The following COG5 variants were observed in gnomAD, a reference collection of about 807,000 sequenced individuals.
COG5 encodes the protein conserved oligomeric Golgi complex subunit 5.
COG5 carries 86 observed loss-of-function variants against 110.4 expected under a neutral mutation model. That is an observed-to-expected ratio of 0.78 (90% CI 0.65 to 0.93). The LOEUF (loss-of-function observed/expected upper bound fraction) is 0.93, where lower values mean the gene tolerates loss of function less well. Among genes scored for constraint, COG5 ranks in the 40% least tolerant of loss-of-function variants. The pLI is 0.00. For missense variants in COG5, 1,077 were observed against 987.0 expected (o/e 1.09, Z -1.22); for synonymous variants, 360 against 334.6 (o/e 1.08, Z -0.83).
Position 107,324,532 on chromosome 7 carries a change from C to G in COG5, c.1027-11G>C. The G allele has an allele frequency of 1.3e-6, 2 of 1,564,298 alleles. 1 individual carries two copies. The highest frequency in any genetic ancestry group is 2.4e-5 in the South Asian group (2 of 84,270). ...TTCCGGTTGTCCATCCTGTGAAGAACAAACAAAAATTTTTTAAAAATAAAA... is the reference window on the plus strand; with the variant it reads ...TTCCGGTTGTCCATCCTGTGAAGAAGAAACAAAAATTTTTTAAAAATAAAA... On this transcript the variant is annotated splice_polypyrimidine_tract_variant and intron_variant, in intron 10 of 21. Coordinates refer to ENST00000297135, the MANE Select transcript of COG5 (RefSeq NM_006348.5).
intron 17 of COG5, among the ~76,000 whole-genome samples, chr7:107,244,525 G>A (rs1040506302): frequency 6.6e-6 from 1 of 152,014 alleles, no homozygotes; most frequent in East Asian, 1.9e-4. Flanking sequence ...GAAGATCAAT[G>A]AATCCAGGAG....
chr7:107,527,505 G>A (rs375579219), intron 5 of COG5, 148 bp from the exon 6 acceptor site: 16 of 806,326 alleles, frequency 2.0e-5, no homozygotes, highest in East Asian at 5.6e-5. Context: ...CATGTATCCC[G>A]GAACTTAAAT....
At chr7:107,476,506 T>C (rs944862819) in intron 6 of COG5, among the ~76,000 whole-genome samples, 5 of 151,626 alleles carry the variant, frequency 3.3e-5, no homozygotes, top group African/African-American at 1.2e-4. Flanking sequence ...GTACCATCAC[T>C]TAATTTAACT....
intron 11 of COG5, among the ~76,000 whole-genome samples, chr7:107,308,228 G>C (rs1807900553): frequency 6.6e-6 from 1 of 152,068 alleles, no homozygotes; most frequent in South Asian, 2.1e-4. Flanking sequence ...ATCTAAAATA[G>C]TGTTTTTCAC....
intron 7 of COG5, among the ~76,000 whole-genome samples, chr7:107,379,489 GA>G (rs1267091890): frequency 1.3e-5 from 2 of 151,294 alleles, no homozygotes; most frequent in Non-Finnish European, 2.9e-5. Flanking sequence ...ATTGGATAAA[GA>G]GTCAAGACCC....
intron 19 of COG5, among the ~76,000 whole-genome samples, chr7:107,211,460 G>GTCTA (rs1276663964): frequency 1.3e-5 from 2 of 152,112 alleles, no homozygotes; most frequent in African/African-American, 4.8e-5. Context: ...CGGTTCATTG[G>GTCTA]TCTATGAGTC....
Position 107,474,582 on chromosome 7 carries a change from T to C in COG5, c.538+52655A>G, listed in dbSNP as rs1219273727. 1.2e-6 allele frequency: 2 copies of C among 1,610,882 alleles called. No homozygotes were observed. Among genetic ancestry groups the C allele is most frequent in the Non-Finnish European group, 1.7e-6 (2 of 1,178,492 alleles). The stretch of plus-strand genomic sequence containing the variant: ...TTTTTTCTTTTTTCTCTTTCCTGAT[T>C]CCTTTTATTGAGGTAAATTTTTTCA... On this transcript the variant is annotated intron_variant, in intron 6 of 21. Coordinates refer to ENST00000297135, the MANE Select transcript of COG5 (RefSeq NM_006348.5). The surrounding 1 kb of genome is among the most constrained non-coding windows in gnomAD (Gnocchi z 5.7).
At chr7:107,263,070 A>G (rs1005002575) in intron 14 of COG5, among the ~76,000 whole-genome samples, 10 of 152,324 alleles carry the variant, frequency 6.6e-5, no homozygotes, top group African/African-American at 2.2e-4. Flanking sequence ...ATTAGCATTT[A>G]GGAATGAGAA....
At chr7:107,559,698 C>CT in intron 1 of COG5, among the ~76,000 whole-genome samples, 1 of 152,336 alleles carries the variant, frequency 6.6e-6, no homozygotes, top group East Asian at 1.9e-4. Flanking sequence ...GCTTTTAAGT[C>CT]TGAGAACCAC....
At chr7:107,530,428 C>T (rs907996990) in intron 5 of COG5, among the ~76,000 whole-genome samples, 1 of 151,956 alleles carries the variant, frequency 6.6e-6, no homozygotes, top group African/African-American at 2.4e-5. Flanking sequence ...ATGGAGAAAC[C>T]CCATTTCTAC....
intron 14 of COG5, among the ~76,000 whole-genome samples, chr7:107,271,576 C>G (rs1368897526): frequency 2.6e-5 from 4 of 151,968 alleles, no homozygotes; most frequent in African/African-American, 9.6e-5. Context: ...CTGTAAATAG[C>G]CTTTTATAAA....
chr7:107,451,672 G>A (rs992001955), intron 6 of COG5, among the ~76,000 whole-genome samples: 2 of 152,004 alleles, frequency 1.3e-5, no homozygotes, highest in African/African-American at 2.4e-5. Context: ...ACATGAAGAC[G>A]ATGTGAATGA....
At chr7:107,311,586 G>T in intron 11 of COG5, among the ~76,000 whole-genome samples, 1 of 149,592 alleles carries the variant, frequency 6.7e-6, no homozygotes, top group Non-Finnish European at 1.5e-5. Context: ...GTAGAGACGG[G>T]GTTTCACCTT....
chr7:107,386,098 T>C (rs1486354041), intron 7 of COG5, among the ~76,000 whole-genome samples: 1 of 151,606 alleles, frequency 6.6e-6, no homozygotes, highest in Non-Finnish European at 1.5e-5. Flanking sequence ...GTCCAGAAGG[T>C]TTTTACAAAA....
chr7:107,211,092 T>C lies in COG5; in HGVS notation c.2295+7A>G, dbSNP rs1296720360. On this transcript the variant is annotated splice_region_variant and intron_variant, in intron 20 of 21. Transcript: ENST00000297135. ...CAAAAGGGTTCTGGCTTGACTTTAT[T>C]TATTACCTGGAAAGGAGATTTCAGT... 4.3e-6 allele frequency: 7 copies of C among 1,613,884 alleles called. No homozygotes were observed. The Admixed American group carries it at 1.2e-4, about 27-fold the overall frequency.
intron 7 of COG5, among the ~76,000 whole-genome samples, chr7:107,381,999 T>C (rs537747247): frequency 6.6e-6 from 1 of 152,372 alleles, no homozygotes; most frequent in Non-Finnish European, 1.5e-5. Flanking sequence ...GAATCCATTT[T>C]TCTTTTGCAA....
chr7:107,373,150 G>A (rs758163521), intron 7 of COG5, among the ~76,000 whole-genome samples: 5 of 152,090 alleles, frequency 3.3e-5, no homozygotes, highest in Non-Finnish European at 5.9e-5. Flanking sequence ...ATTCTGTGGA[G>A]TTGACTGAGA....
chr7:107,415,834 A>G lies in COG5; in HGVS notation c.539-3202T>C, dbSNP rs569948160. Among the ~76,000 whole-genome samples, 392 of 80,050 alleles carry G rather than the reference A, an allele frequency of 4.9e-3. 35 individuals carry two copies. The highest frequency in any genetic ancestry group is 0.018 in the East Asian group (53 of 2,962). 52.5% of individuals were successfully genotyped at this position (80,050 alleles called of 152,430 possible). On this transcript the variant is annotated intron_variant, in intron 6 of 21. Coordinates refer to ENST00000297135, the MANE Select transcript of COG5 (RefSeq NM_006348.5). ...TATACACACATACACGTATGTATGTATGTGTGTGTATATATACACACACAT... is the reference window on the plus strand; with the variant it reads ...TATACACACATACACGTATGTATGTGTGTGTGTGTATATATACACACACAT...
chr7:107,319,838 G>A (rs917061722), intron 11 of COG5, among the ~76,000 whole-genome samples: 1 of 152,140 alleles, frequency 6.6e-6, no homozygotes, highest in Non-Finnish European at 1.5e-5. Flanking sequence ...TAGTGCTCTT[G>A]TAGGCCCAGC....
Sources: gnomAD v4.1 joint callset for allele counts (sites outside exome capture counted in the v4.1 genomes callset) on GRCh38, gnomAD v4.1.1 for gene constraint, Gnocchi (gnomAD v3.1) non-coding constraint, MANE v1.5 for transcripts, NCBI Gene and HGNC (gene_info 2026-07-23, HGNC 2026-07-21) for gene names.